The following LMX1A variants were observed in gnomAD, a reference collection of about 807,000 sequenced individuals.
LMX1A encodes LIM homeobox transcription factor 1-alpha.
Under a neutral mutation model 49.1 loss-of-function variants are expected in LMX1A, and 15 were observed. That is an observed-to-expected ratio of 0.31 (90% confidence interval 0.20 to 0.47). LMX1A has a LOEUF of 0.47. LMX1A is among the 20% of genes least tolerant of loss of function. The probability of loss-of-function intolerance (pLI) is 1.00; values close to 1 mark genes in which losing one functional copy is unlikely to be tolerated. For missense variants in LMX1A, 372 were observed against 475.8 expected (o/e 0.78, Z 2.03); for synonymous variants, 167 against 185.7 (o/e 0.90, Z 0.82).
intron 3 of LMX1A, among the ~76,000 whole-genome samples, chr1:165,338,415 G>A (rs1655967431): frequency 6.6e-6 from 1 of 152,186 alleles, no homozygotes; most frequent in Non-Finnish European, 1.5e-5. Flanking sequence ...TGAGTTGAGG[G>A]AAAGGGGCCG....
At chr1:165,257,543 C>A (rs1653294215) in intron 3 of LMX1A, among the ~76,000 whole-genome samples, 1 of 152,106 alleles carries the variant, frequency 6.6e-6, no homozygotes, top group Non-Finnish European at 1.5e-5. Flanking sequence ...GGGTTAGGAA[C>A]AAATAGTGTG....
At chr1:165,347,127 C>T (rs1341012185) in intron 3 of LMX1A, among the ~76,000 whole-genome samples, 4 of 152,156 alleles carry the variant, frequency 2.6e-5, no homozygotes, top group South Asian at 4.1e-4. Context: ...AAATGTTAAT[C>T]CTATGGGGTA....
chr1:165,272,603 G>A (rs1389339569), intron 3 of LMX1A, among the ~76,000 whole-genome samples: 1 of 152,176 alleles, frequency 6.6e-6, no homozygotes, highest in Admixed American at 6.5e-5. Context: ...CAGGGCTGTG[G>A]GGGCAGGGAG....
chr1:165,235,684 C>A (rs940409196), intron 4 of LMX1A, among the ~76,000 whole-genome samples: 3 of 152,064 alleles, frequency 2.0e-5, no homozygotes, highest in African/African-American at 7.2e-5. Context: ...CCTCCGCCCG[C>A]GCGGGGCTTT....
chr1:165,250,952 G>C (rs577438414), intron 3 of LMX1A, among the ~76,000 whole-genome samples: 1 of 152,346 alleles, frequency 6.6e-6, no homozygotes, highest in South Asian at 2.1e-4. Context: ...TGGATGCTCA[G>C]GTTGTAAGGT....
At chr1:165,204,086 C>T (rs1207840956) in intron 8 of LMX1A, 46 bp from the exon 9 acceptor site, 2 of 1,597,946 alleles carry the variant, frequency 1.3e-6, no homozygotes, top group Non-Finnish European at 1.7e-6. Flanking sequence ...GAAGAAGTGA[C>T]TCATTTCAGT....
At chr1:165,280,450 G>A (rs1654112291) in intron 3 of LMX1A, among the ~76,000 whole-genome samples, 1 of 152,128 alleles carries the variant, frequency 6.6e-6, no homozygotes, top group Non-Finnish European at 1.5e-5. Context: ...AAAGATGAAG[G>A]GGAGCATTCA....
chr1:165,278,634 C>T (rs1229822591), intron 3 of LMX1A, among the ~76,000 whole-genome samples: 1 of 152,182 alleles, frequency 6.6e-6, no homozygotes, highest in South Asian at 2.1e-4. Context: ...ACCCCGGGGA[C>T]AGCCCACAAC....
intron 4 of LMX1A, among the ~76,000 whole-genome samples, chr1:165,242,838 G>A (rs1652702855): frequency 6.7e-6 from 1 of 149,944 alleles, no homozygotes; most frequent in South Asian, 2.1e-4. Flanking sequence ...GCTGAGGCAG[G>A]AGAATGGCGT....
chr1:165,219,467 A>C (rs1419704209), intron 4 of LMX1A, among the ~76,000 whole-genome samples: 1 of 152,168 alleles, frequency 6.6e-6, no homozygotes, highest in East Asian at 1.9e-4. Context: ...GAAAGAAAGA[A>C]GGGAGGAATT....
intron 3 of LMX1A, among the ~76,000 whole-genome samples, chr1:165,325,470 T>C (rs1160860092): frequency 6.6e-6 from 1 of 151,520 alleles, no homozygotes; most frequent in Admixed American, 6.6e-5. Flanking sequence ...TATGTGTGTG[T>C]GTGTGTGTGT....
rs140818872 is a variant in LMX1A at position 165,204,532 on chromosome 1, A to G, written c.989-492T>C. On this transcript the variant is annotated intron_variant, in intron 8 of 8. Transcript: ENST00000342310. ...CAAATTTGTAATGCAAAGAAAAGGAAGGTTAGGTGCCTACCTTCAACTAAT... is the reference window on the plus strand; with the variant it reads ...CAAATTTGTAATGCAAAGAAAAGGAGGGTTAGGTGCCTACCTTCAACTAAT... 4.9e-3 allele frequency among the ~76,000 whole-genome samples: 751 copies of G among 152,370 alleles called. 8 individuals carry two copies. Among genetic ancestry groups the G allele is most frequent in the African/African-American group, 0.017 (707 of 41,592 alleles).
chr1:165,222,222 C>T (rs920339546), intron 4 of LMX1A, among the ~76,000 whole-genome samples: 5 of 152,154 alleles, frequency 3.3e-5, no homozygotes, highest in African/African-American at 1.2e-4. Flanking sequence ...TTTGATTTGG[C>T]CAGCCTCCAA....
rs190067534 is a variant in LMX1A at position 165,204,933 on chromosome 1, C to T, written c.989-893G>A. Among the ~76,000 whole-genome samples the T allele has an allele frequency of 1.6e-3, 240 of 151,950 alleles. 1 individual carries two copies. Among genetic ancestry groups the T allele is most frequent in the Non-Finnish European group, 2.8e-3 (189 of 67,946 alleles). ...AGCCAGTGAAGGGCTTGTCAAGGGC[C>T]AAATCTTAATAAATGTTTGCTGAAT... is the stretch of plus-strand genomic sequence containing the variant. On this transcript the variant is annotated intron_variant, in intron 8 of 8. Transcript: ENST00000342310.
At chr1:165,284,776 C>T (rs1654256931) in intron 3 of LMX1A, among the ~76,000 whole-genome samples, 2 of 152,222 alleles carry the variant, frequency 1.3e-5, no homozygotes, top group Non-Finnish European at 2.9e-5. Flanking sequence ...CAGCACCCGC[C>T]GTAGCACCCT....
At chr1:165,242,721 A>T (rs1260113579) in intron 4 of LMX1A, among the ~76,000 whole-genome samples, 2 of 151,528 alleles carry the variant, frequency 1.3e-5, no homozygotes, top group Non-Finnish European at 2.9e-5. Context: ...CTAAAAATAA[A>T]AAAAAAAAAT....
chr1:165,321,003 A>C (rs1655369194), intron 3 of LMX1A, among the ~76,000 whole-genome samples: 1 of 152,228 alleles, frequency 6.6e-6, no homozygotes. Context: ...AATATCTACC[A>C]ACAGCTGAAT....
At chr1:165,293,114 T>G (rs551906968) in intron 3 of LMX1A, among the ~76,000 whole-genome samples, 66 of 141,176 alleles carry the variant, frequency 4.7e-4, no homozygotes, top group African/African-American at 1.7e-3. Flanking sequence ...AGACTCCATC[T>G]CAAAAAAAAA....
intron 4 of LMX1A, among the ~76,000 whole-genome samples, chr1:165,228,139 A>G (rs1328651791): frequency 6.6e-6 from 1 of 152,230 alleles, no homozygotes; most frequent in Non-Finnish European, 1.5e-5. Flanking sequence ...TAAACAGTGA[A>G]AAGTGATAAG....
Sources: allele counts gnomAD v4.1 joint callset (sites outside exome capture counted in the v4.1 genomes callset), GRCh38; gene constraint gnomAD v4.1.1; transcripts MANE v1.5; gene names NCBI Gene and HGNC (gene_info 2026-07-23, HGNC 2026-07-21).